MBTPS1: variants seen among roughly 807,000 people sequenced by gnomAD.
The protein encoded by MBTPS1 is membrane-bound transcription factor site-1 protease.
Under a neutral mutation model 127.8 loss-of-function variants are expected in MBTPS1, and 94 were observed. The ratio of observed to expected loss-of-function variants is 0.74; its 90% CI spans 0.62 to 0.87. MBTPS1 has a LOEUF of 0.87. Ranked by LOEUF, MBTPS1 falls within the 40% of genes least tolerant of loss-of-function variation. MBTPS1 has a pLI of 0.00. For missense variants in MBTPS1, 1,636 were observed against 1,353.2 expected (o/e 1.21, Z -3.28); for synonymous variants, 632 against 509.4 (o/e 1.24, Z -3.24).
intron 13 of MBTPS1, 35 bp downstream of exon 13, chr16:84,070,553 C>G: frequency 6.2e-7 from 1 of 1,604,234 alleles, no homozygotes; most frequent in South Asian, 1.1e-5. Context: ...TGTCAAACAG[C>G]TAAGAAAACA....
chr16:84,112,046 C>G (rs2086404951), intron 1 of MBTPS1, among the ~76,000 whole-genome samples: 1 of 151,834 alleles, frequency 6.6e-6, no homozygotes, highest in South Asian at 2.1e-4. Flanking sequence ...ACTAAAAATA[C>G]AAAAAATTAG....
At chr16:84,083,523 T>C (rs1005005481) in intron 10 of MBTPS1, among the ~76,000 whole-genome samples, 3 of 151,750 alleles carry the variant, frequency 2.0e-5, no homozygotes, top group Non-Finnish European at 2.9e-5. Flanking sequence ...ACTACTAGCC[T>C]CAAACAATCC....
Position 84,054,160 on chromosome 16 carries a change from C to A in MBTPS1, c.*289G>T. ...TCCTTCCCCTGCAGTCAGAAGACCC[C>A]AGACAGCCTTTCCAGTTCTCCCGAG... On this transcript the variant is annotated 3_prime_UTR_variant, in exon 23 of 23. Coordinates refer to ENST00000343411, the MANE Select transcript of MBTPS1 (RefSeq NM_003791.4). 1 of 280,450 alleles carries A rather than the reference C, an allele frequency of 3.6e-6. No homozygotes were observed. Among genetic ancestry groups the A allele is most frequent in the Non-Finnish European group, 6.7e-6 (1 of 149,438 alleles). 17.4% of individuals were successfully genotyped at this position (280,450 alleles called of 1,614,324 possible).
intron 21 of MBTPS1, chr16:84,057,580 C>T (rs1480710881): frequency 6.6e-6 from 1 of 152,238 alleles, no homozygotes; most frequent in Non-Finnish European, 1.5e-5. Context: ...GCCCAAAGCG[C>T]CTCTCCACTT....
chr16:84,097,773 GCT>G (rs929576035), intron 3 of MBTPS1, among the ~76,000 whole-genome samples: 1 of 151,770 alleles, frequency 6.6e-6, no homozygotes, highest in African/African-American at 2.4e-5. Flanking sequence ...AGCAGAAAAG[GCT>G]CTGAAAAAGT....
chr16:84,108,631 G>A (rs2086357775), intron 1 of MBTPS1, among the ~76,000 whole-genome samples: 1 of 152,146 alleles, frequency 6.6e-6, no homozygotes, highest in Non-Finnish European at 1.5e-5. Flanking sequence ...GAAGAATTCT[G>A]CTGAAGACAA....
At chr16:84,084,874 G>A (rs1444871015) in intron 10 of MBTPS1, 109 bp downstream of exon 10, 2 of 1,193,256 alleles carry the variant, frequency 1.7e-6, no homozygotes, top group African/African-American at 1.5e-5. Context: ...AAGGGCCTAA[G>A]CTCTCAAACC....
intron 8 of MBTPS1, among the ~76,000 whole-genome samples, chr16:84,088,654 T>C (rs1198626089): frequency 6.6e-5 from 10 of 152,184 alleles, no homozygotes; most frequent in African/African-American, 2.4e-4. Flanking sequence ...GCAGGCTTGC[T>C]GGCACCACAG....
intron 9 of MBTPS1, among the ~76,000 whole-genome samples, chr16:84,085,717 A>AT (rs1403877009): frequency 5.3e-5 from 8 of 152,226 alleles, no homozygotes; most frequent in African/African-American, 1.7e-4. Flanking sequence ...CAATTAAAAG[A>AT]TAAGTATTTT....
chr16:84,058,909 C>T (rs1399912621), intron 21 of MBTPS1, among the ~76,000 whole-genome samples: 1 of 152,032 alleles, frequency 6.6e-6, no homozygotes, highest in Non-Finnish European at 1.5e-5. Context: ...CAACCGCGGC[C>T]CCCGGGGATG....
chr16:84,063,726 A>G (rs2085645598), intron 18 of MBTPS1, among the ~76,000 whole-genome samples: 1 of 152,072 alleles, frequency 6.6e-6, no homozygotes, highest in African/African-American at 2.4e-5. Flanking sequence ...AATATTTACA[A>G]TTGCAAAGGT....
intron 1 of MBTPS1, among the ~76,000 whole-genome samples, chr16:84,105,774 C>G (rs1394347775): frequency 2.0e-5 from 3 of 152,192 alleles, no homozygotes; most frequent in Non-Finnish European, 2.9e-5. Flanking sequence ...AGATAAAACA[C>G]AGCCCAACGA....
chr16:84,106,449 A>T (rs1307071658), intron 1 of MBTPS1, among the ~76,000 whole-genome samples: 2 of 152,206 alleles, frequency 1.3e-5, no homozygotes, highest in Non-Finnish European at 2.9e-5. Flanking sequence ...AAGCTGGCCA[A>T]GGGTCTGGGG....
chr16:84,054,342 G>C lies in MBTPS1; in HGVS notation c.*107C>G. On this transcript the variant is annotated 3_prime_UTR_variant, in exon 23 of 23. Coordinates refer to ENST00000343411, the MANE Select transcript of MBTPS1 (RefSeq NM_003791.4). ...TAGAACAGACTCTAACAAACCTGCAGCTGGAAACTGGATCCCTTTTAAACC... is the reference window on the plus strand; with the variant it reads ...TAGAACAGACTCTAACAAACCTGCACCTGGAAACTGGATCCCTTTTAAACC... The C allele has an allele frequency of 9.8e-7, 1 of 1,019,352 alleles. No individual in the cohort carries two copies. The highest frequency in any genetic ancestry group is 1.4e-6 in the Non-Finnish European group (1 of 724,060). 63.1% of individuals were successfully genotyped at this position (1,019,352 alleles called of 1,614,324 possible).
At chr16:84,093,886 T>C in intron 4 of MBTPS1, 65 bp from the exon 5 acceptor site, 4 of 1,140,512 alleles carry the variant, frequency 3.5e-6, no homozygotes, top group African/African-American at 1.5e-5. Flanking sequence ...ATTTTGCCTA[T>C]AAAATACATT....
intron 11 of MBTPS1, among the ~76,000 whole-genome samples, chr16:84,078,895 G>C (rs976343637): frequency 7.9e-5 from 12 of 152,210 alleles, no homozygotes; most frequent in African/African-American, 2.9e-4. Flanking sequence ...GGCGTGTGCG[G>C]AAGCCTGGTA....
chr16:84,105,540 G>A (rs2086311381), intron 1 of MBTPS1, among the ~76,000 whole-genome samples: 1 of 152,130 alleles, frequency 6.6e-6, no homozygotes, highest in African/African-American at 2.4e-5. Context: ...AGATGGGCGT[G>A]AGGGAGGGAG....
intron 6 of MBTPS1, 118 bp downstream of exon 6, chr16:84,093,070 G>T: frequency 1.4e-6 from 1 of 735,574 alleles, no homozygotes; most frequent in Non-Finnish European, 2.4e-6. Flanking sequence ...GCTGCAGTAT[G>T]AATGGCTCAG....
intron 11 of MBTPS1, 86 bp from the exon 12 acceptor site, chr16:84,074,827 G>C: frequency 7.9e-7 from 1 of 1,262,714 alleles, no homozygotes; most frequent in Non-Finnish European, 1.1e-6. Context: ...AGTTAACAAA[G>C]CAGACCTAGC....
Sources: gnomAD v4.1 joint callset for allele counts (sites outside exome capture counted in the v4.1 genomes callset) on GRCh38, gnomAD v4.1.1 for gene constraint, MANE v1.5 for transcripts, NCBI Gene and HGNC (gene_info 2026-07-23, HGNC 2026-07-21) for gene names.